Variants in DDX20 observed in about 807,000 individuals in gnomAD.
DDX20 encodes the protein probable ATP-dependent RNA helicase DDX20.
DDX20 carries 61 observed loss-of-function variants against 76.4 expected under a neutral mutation model. The ratio of observed to expected loss-of-function variants is 0.80; its 90% CI spans 0.65 to 0.99. The LOEUF (loss-of-function observed/expected upper bound fraction) is 0.99, where lower values mean the gene tolerates loss of function less well. Ranked by LOEUF, DDX20 falls within the 50% of genes least tolerant of loss-of-function variation. DDX20 has a pLI of 0.00. For synonymous variants in DDX20, 357 were observed against 357.4 expected (o/e 1.00, Z 0.01); for missense variants, 976 against 996.8 (o/e 0.98, Z 0.28).
Position 111,759,586 on chromosome 1 carries a change from G to A in DDX20, c.565+18G>A. Reference sequence around the variant, plus strand: ...ATCTCCTGGTAAGATAACAATGCCTGTTGGTAACCAGGGCTTTTAAGGAAC... The same window carrying A: ...ATCTCCTGGTAAGATAACAATGCCTATTGGTAACCAGGGCTTTTAAGGAAC... On this transcript the variant is annotated intron_variant, in intron 3 of 10. Coordinates refer to ENST00000369702, the MANE Select transcript of DDX20 (RefSeq NM_007204.5). 6.2e-7 allele frequency: 1 copy of A among 1,603,692 alleles called. No homozygotes were observed. The highest frequency in any genetic ancestry group is 1.3e-5 in the African/African-American group (1 of 74,382).
At chr1:111,761,338 A>G in intron 7 of DDX20, 54 bp downstream of exon 7, 1 of 1,473,302 alleles carries the variant, frequency 6.8e-7, no homozygotes, top group Non-Finnish European at 9.4e-7. Context: ...TGAAGCCTCC[A>G]AAGTCAGGAG....
In DDX20 at chr1:111,762,276, G is replaced by T; in HGVS notation, c.1043G>T (p.Arg348Leu). The T allele has an allele frequency of 6.2e-7, 1 of 1,613,180 alleles. No homozygotes were observed. The change falls in exon 8 of 11, where the codon CGT (arginine) becomes CTT (leucine). Residue 348 changes from arginine (R) to leucine (L), a missense_variant. This residue lies in a region of DDX20 where 630 missense variants were observed against 693.7 expected (regional missense o/e 0.91). Coordinates refer to ENST00000369702, the MANE Select transcript of DDX20 (RefSeq NM_007204.5). Reference sequence around the variant, plus strand: ...TTAGGCAATATGAATCAGAATCAGCGTCTTGATGCTATGGCTAAACTGAAG... The same window carrying T: ...TTAGGCAATATGAATCAGAATCAGCTTCTTGATGCTATGGCTAAACTGAAG... ...CISGNMNQNQ[R>L]LDAMAKLKHF...
chr1:111,758,209 C>G (rs1279021371), intron 2 of DDX20, among the ~76,000 whole-genome samples: 3 of 152,074 alleles, frequency 2.0e-5, no homozygotes, highest in Non-Finnish European at 4.4e-5. Flanking sequence ...ACATTATTCT[C>G]TGTGTGTGTA....
At position 111,760,345 on chromosome 1, in the gene DDX20, T is replaced by C. The variant is rs116648085; in HGVS notation, c.566-129T>C. ...TCTAATTTGTGGTTTAGTGTGTACA[T>C]GCATAATGAGAGTTGAATCAGGAAA... is the stretch of plus-strand genomic sequence containing the variant. On this transcript the variant is annotated intron_variant, in intron 3 of 10. Transcript: ENST00000369702. 2,298 of 652,254 alleles carry C rather than the reference T, an allele frequency of 3.5e-3. 37 individuals carry two copies. The African/African-American group carries it at 0.038, about 11-fold the overall frequency. 40.4% of individuals were successfully genotyped at this position (652,254 alleles called of 1,614,324 possible).
At position 111,766,486 on chromosome 1, in the gene DDX20, A is replaced by G. The variant is rs772378930; in HGVS notation, c.2062A>G (p.Thr688Ala). 6.2e-7 allele frequency: 1 copy of G among 1,614,162 alleles called. No homozygotes were observed. The change falls in exon 11 of 11, where the codon ACG becomes GCG. Residue 688 changes from threonine to alanine, a missense_variant. Physicochemically the swap from Thr to Ala is moderately conservative, Grantham distance 58 (BLOSUM62 0). Transcript: ENST00000369702. ...TAATCAGCTGAAAGACTCTGAATCT[A>G]CGCCTGTGGATGATCGTATTTCTTT... Reference protein sequence around the residue: ...SDNQLKDSESTPVDDRISLEQ... With the variant: ...SDNQLKDSESAPVDDRISLEQ...
At chr1:111,765,649 A>G in intron 10 of DDX20, 88 bp from the exon 11 acceptor site, 3 of 1,108,192 alleles carry the variant, frequency 2.7e-6, no homozygotes, top group Non-Finnish European at 3.9e-6. Context: ...AATGTATTTG[A>G]TCATAGAAAA....
rs183997566 is a variant in DDX20, at chr1:111,767,064, T to A, written c.*165T>A. 2.1e-3 allele frequency: 1,107 copies of A among 516,210 alleles called. No individual in the cohort carries two copies. Among genetic ancestry groups the A allele is most frequent in the Non-Finnish European group, 2.3e-3 (675 of 295,830 alleles). 32.0% of individuals were successfully genotyped at this position (516,210 alleles called of 1,614,324 possible). On this transcript the variant is annotated 3_prime_UTR_variant, in exon 11 of 11. Coordinates refer to ENST00000369702, the MANE Select transcript of DDX20 (RefSeq NM_007204.5). The stretch of plus-strand genomic sequence containing the variant: ...CATCCATTTTTCAGATTGTTTTGAT[T>A]TAGGCCAGGTATATTATCTTCATTT...
intron 1 of DDX20, 80 bp downstream of exon 1, chr1:111,756,305 C>T (rs1040759733): frequency 6.7e-6 from 9 of 1,352,030 alleles, no homozygotes; most frequent in Non-Finnish European, 8.6e-6. Flanking sequence ...CAGGCCCGCG[C>T]CGCAGCTCAG....
At chr1:111,757,981 A>T (rs1290398067) in intron 2 of DDX20, among the ~76,000 whole-genome samples, 2 of 152,178 alleles carry the variant, frequency 1.3e-5, no homozygotes, top group African/African-American at 4.8e-5. Flanking sequence ...CAGCCTCCCG[A>T]GTAGCTGGGA....
chr1:111,760,887 T>C (rs769536103), intron 5 of DDX20, 39 bp downstream of exon 5: 15 of 1,596,680 alleles, frequency 9.4e-6, no homozygotes, highest in Non-Finnish European at 2.6e-6. Flanking sequence ...ATTGGTTTAT[T>C]TGTGATATGC....
At position 111,756,710 on chromosome 1, in the gene DDX20, C is replaced by T. The variant is rs764544043; in HGVS notation, c.366C>T (p.Asp122=). 1 of 1,614,144 alleles carries T rather than the reference C, an allele frequency of 6.2e-7. No homozygotes were observed. Among genetic ancestry groups the T allele is most frequent in the Non-Finnish European group, 8.5e-7 (1 of 1,180,004 alleles). Residue 122 remains aspartate, a synonymous_variant, in exon 2 of 11, where the codon GAC becomes GAT. Coordinates refer to ENST00000369702, the MANE Select transcript of DDX20 (RefSeq NM_007204.5). The part of the protein sequence containing the change: ...KTCVFSTIAL[D]SLVLENLSTQ... ...GTGTGTTCTCCACCATAGCTTTGGA[C>T]TCTCTTGTTCTTGAAAACTTAAGTA... is the stretch of plus-strand genomic sequence containing the variant.
At chr1:111,757,158 TCCTC>T (rs1663579304) in intron 2 of DDX20, among the ~76,000 whole-genome samples, 1 of 151,900 alleles carries the variant, frequency 6.6e-6, no homozygotes, top group African/African-American at 2.4e-5. Context: ...GCTCCAGTGA[TCCTC>T]CCACCCATCT....
Position 111,756,217 on chromosome 1 carries a change from G to C in DDX20, c.293G>C (p.Cys98Ser). The C allele has an allele frequency of 7.0e-7, 1 of 1,437,822 alleles. No homozygotes were observed. Among genetic ancestry groups the C allele is most frequent in the African/African-American group, 1.5e-5 (1 of 67,902 alleles). The allele number at this position is 1,437,822 out of a possible 1,614,324, so 89.1% of individuals were successfully genotyped here. ...CTCAAGGCCATCCCGTTGGGGCGCTGCGGGCTCGGTGAGAGCGGGGGCCCG... is the reference window on the plus strand; with the variant it reads ...CTCAAGGCCATCCCGTTGGGGCGCTCCGGGCTCGGTGAGAGCGGGGGCCCG... Reference protein sequence around the residue: ...VQLKAIPLGRCGLDLIVQAKS... With the variant: ...VQLKAIPLGRSGLDLIVQAKS... Residue 98 changes from cysteine (C) to serine (S), a missense_variant, in exon 1 of 11, where the codon TGC becomes TCC. Physicochemically the swap from Cys to Ser is moderately radical, Grantham distance 112. Transcript: ENST00000369702.
chr1:111,760,296 T>A (rs1663646013), intron 3 of DDX20, 178 bp from the exon 4 acceptor site: 1 of 506,462 alleles, frequency 2.0e-6, no homozygotes, highest in Admixed American at 3.8e-5. Flanking sequence ...ACAATGAGTT[T>A]AGTCAAGATC....
At position 111,759,293 on chromosome 1, in the gene DDX20, T is replaced by G. The variant is rs1309470986; in HGVS notation, c.397-107T>G. 5 of 923,256 alleles carry G rather than the reference T, an allele frequency of 5.4e-6. No homozygotes were observed. The Admixed American group carries it at 9.5e-5, about 18-fold the overall frequency. 57.2% of individuals were successfully genotyped at this position (923,256 alleles called of 1,614,324 possible). A position where few individuals can be genotyped will look rare whatever the true frequency, so the allele number is the denominator to read the frequency against. On this transcript the variant is annotated intron_variant, in intron 2 of 10. Transcript: ENST00000369702. ...CCTTACCTTATCAATAAAAACTCAT[T>G]TGAAATGATCATTTAAATGAAATAT...
At chr1:111,756,508 C>A (rs1663557567) in intron 1 of DDX20, 138 bp from the exon 2 acceptor site, 1 of 737,144 alleles carries the variant, frequency 1.4e-6, no homozygotes, top group Non-Finnish European at 2.3e-6. Flanking sequence ...TGTTCTCATA[C>A]GTTTTTGAGA....
At chr1:111,756,428 C>T (rs1663556022) in intron 1 of DDX20, among the ~76,000 whole-genome samples, 1 of 152,240 alleles carries the variant, frequency 6.6e-6, no homozygotes, top group South Asian at 2.1e-4. Context: ...ATAGTTAAGA[C>T]CTTTTTTTAA....
At chr1:111,763,449 G>C (rs993969043) in intron 10 of DDX20, among the ~76,000 whole-genome samples, 14 of 152,114 alleles carry the variant, frequency 9.2e-5, no homozygotes, top group African/African-American at 3.4e-4. Context: ...GCAGGTGCCT[G>C]TAATCCCAAC....
At position 111,761,221 on chromosome 1, in the gene DDX20, C is replaced by T; in HGVS notation, c.963-5C>T. On this transcript the variant is annotated splice_polypyrimidine_tract_variant and splice_region_variant and intron_variant, in intron 6 of 10. Coordinates refer to ENST00000369702, the MANE Select transcript of DDX20 (RefSeq NM_007204.5). ...ATTTGTAACCATTTATGTTATATTT[C>T]ATAGAGCACAACATTTGGCTGATAT... The T allele has an allele frequency of 6.2e-7, 1 of 1,612,980 alleles. No homozygotes were observed. The highest frequency in any genetic ancestry group is 8.5e-7 in the Non-Finnish European group (1 of 1,179,484).
Sources: allele counts gnomAD v4.1 joint callset (sites outside exome capture counted in the v4.1 genomes callset), GRCh38; gene constraint gnomAD v4.1.1; regional missense constraint gnomAD v4.1.1; transcripts MANE v1.5; gene names NCBI Gene and HGNC (gene_info 2026-07-23, HGNC 2026-07-21).